PPA1: variants seen among roughly 807,000 people sequenced by gnomAD.
The protein encoded by PPA1 is inorganic pyrophosphatase.
In PPA1, 23 loss-of-function variants were observed where a neutral mutation model predicts 41.8. That is an observed-to-expected ratio of 0.55 (90% CI 0.40 to 0.78). The LOEUF (loss-of-function observed/expected upper bound fraction) is 0.78, where lower values mean the gene tolerates loss of function less well. Ranked by LOEUF, PPA1 falls within the 30% of genes least tolerant of loss-of-function variation. The pLI is 0.00. For missense variants in PPA1, 320 were observed against 361.6 expected (o/e 0.89, Z 0.93); for synonymous variants, 101 against 116.8 (o/e 0.86, Z 0.87).
chr10:70,229,862 G>A (rs1387927401), intron 2 of PPA1, among the ~76,000 whole-genome samples: 1 of 150,272 alleles, frequency 6.7e-6, no homozygotes, highest in Admixed American at 6.7e-5. Context: ...AATTATATTT[G>A]CTCCTTTAAC....
At chr10:70,222,335 C>CAAAAAAAAAAAA in intron 2 of PPA1, among the ~76,000 whole-genome samples, 1 of 73,166 alleles carries the variant, frequency 1.4e-5, no homozygotes, top group Non-Finnish European at 2.4e-5. Context: ...GACTCCGTCT[C>CAAAAAAAAAAAA]AAAAAAAAAA....
intron 2 of PPA1, among the ~76,000 whole-genome samples, chr10:70,221,076 ATT>A (rs11310336): frequency 0.021 from 860 of 40,012 alleles, 117 homozygotes; most frequent in South Asian, 0.057. Flanking sequence ...ATATATATAT[ATT>A]TTTTTTTTTT....
chr10:70,214,502 T>C lies in PPA1; in HGVS notation c.382A>G (p.Lys128Glu). ...DPIDVCEIGS[K>E]VCARGEIIGV... ...AAAAAAATGTCACATTTCATTACCT[T>C]GCTTCCAATTTCACACACATCAATT... The change falls in exon 5 of 11, where the codon AAG becomes GAG. Residue 128 changes from lysine (K) to glutamate (E), a missense_variant and splice_region_variant. Transcript: ENST00000373232. 1.2e-6 allele frequency: 2 copies of C among 1,611,366 alleles called. No homozygotes were observed. Among genetic ancestry groups the C allele is most frequent in the Non-Finnish European group, 1.7e-6 (2 of 1,178,364 alleles).
chr10:70,221,240 C>T (rs1197980550), intron 2 of PPA1, among the ~76,000 whole-genome samples: 2 of 149,328 alleles, frequency 1.3e-5, no homozygotes, highest in African/African-American at 5.0e-5. Flanking sequence ...TGATAAGCCA[C>T]AAGGGAATAA....
At chr10:70,205,483 A>G (rs993494908) in intron 9 of PPA1, 3 of 152,162 alleles carry the variant, frequency 2.0e-5, no homozygotes, top group African/African-American at 7.2e-5. Context: ...ACAATTTTAT[A>G]TATACACACA....
intron 2 of PPA1, among the ~76,000 whole-genome samples, chr10:70,223,252 T>G (rs1840195631): frequency 6.8e-6 from 1 of 147,736 alleles, no homozygotes; most frequent in Non-Finnish European, 1.5e-5. Context: ...TCTCACTCTG[T>G]CATCCAGACT....
At chr10:70,229,803 T>C (rs77133423) in intron 2 of PPA1, among the ~76,000 whole-genome samples, 3 of 152,202 alleles carry the variant, frequency 2.0e-5, no homozygotes, top group Admixed American at 1.3e-4. Flanking sequence ...CTTTTTTTTT[T>C]CCAAGACAGA....
intron 10 of PPA1, 49 bp downstream of exon 10, chr10:70,204,824 C>A: frequency 2.8e-6 from 4 of 1,411,942 alleles, no homozygotes; most frequent in Non-Finnish European, 3.9e-6. Flanking sequence ...CATAATTTTT[C>A]CATAACTGTG....
At chr10:70,219,669 T>C (rs540782071) in intron 2 of PPA1, among the ~76,000 whole-genome samples, 2 of 152,344 alleles carry the variant, frequency 1.3e-5, no homozygotes, top group East Asian at 3.9e-4. Context: ...TAATCAATGA[T>C]AGTTCTACTG....
At chr10:70,223,642 T>C (rs997656859) in intron 2 of PPA1, among the ~76,000 whole-genome samples, 2 of 152,274 alleles carry the variant, frequency 1.3e-5, no homozygotes, top group Admixed American at 1.3e-4. Flanking sequence ...CAGTGATATT[T>C]AGGATTTTTC....
Position 70,233,406 on chromosome 10 carries a change from A to C in PPA1, c.-79T>G, listed in dbSNP as rs1468981078. The C allele has an allele frequency of 1.2e-5, 18 of 1,494,542 alleles. No homozygotes were observed. The highest frequency in any genetic ancestry group is 2.2e-5 in the Admixed American group (1 of 45,270). 92.6% of individuals were successfully genotyped at this position (1,494,542 alleles called of 1,614,324 possible). On this transcript the variant is annotated 5_prime_UTR_variant, in exon 1 of 11. Transcript: ENST00000373232. ...CGCCGACTGACAAGGAGAGAGCCCC[A>C]CGCCTGCGCACTGCGAGCACTGGAC... is the stretch of plus-strand genomic sequence containing the variant.
intron 4 of PPA1, among the ~76,000 whole-genome samples, chr10:70,215,763 G>A (rs1564582758): frequency 6.6e-6 from 1 of 152,160 alleles, no homozygotes; most frequent in African/African-American, 2.4e-5. Context: ...TTACAGGCAT[G>A]AGCCACCACA....
Position 70,204,869 on chromosome 10 carries a change from T to A in PPA1, c.838+4A>T, listed in dbSNP as rs370903723. On this transcript the variant is annotated splice_donor_region_variant and intron_variant, in intron 10 of 10. Coordinates refer to ENST00000373232, the MANE Select transcript of PPA1 (RefSeq NM_021129.4). ...ATGAAATTTTACTGGAATAGAAATC[T>A]TACCGTCTGTTGGTACTGTGCAGGC... 1.5e-5 allele frequency: 24 copies of A among 1,583,436 alleles called. No individual in the cohort carries two copies. The African/African-American group carries it at 3.1e-4, about 21-fold the overall frequency.
chr10:70,230,491 T>G, intron 1 of PPA1, 92 bp from the exon 2 acceptor site: 1 of 1,265,858 alleles, frequency 7.9e-7, no homozygotes, highest in Non-Finnish European at 1.1e-6. Flanking sequence ...ATAAGGTCCC[T>G]TACTCTGTCA....
chr10:70,216,831 C>T (rs757558157), intron 4 of PPA1, among the ~76,000 whole-genome samples: 2 of 152,172 alleles, frequency 1.3e-5, no homozygotes, highest in East Asian at 1.9e-4. Context: ...CTACTACATA[C>T]TGACATTGTG....
At chr10:70,208,668 TAA>T (rs59579314) in intron 8 of PPA1, among the ~76,000 whole-genome samples, 256 of 152,232 alleles carry the variant, frequency 1.7e-3, no homozygotes, top group African/African-American at 5.4e-3. Context: ...TTTACACATA[TAA>T]CTCTTCTCCA....
chr10:70,223,828 G>A (rs552231808), intron 2 of PPA1, among the ~76,000 whole-genome samples: 3 of 152,226 alleles, frequency 2.0e-5, no homozygotes, highest in African/African-American at 2.4e-5. Flanking sequence ...AATCCCAACT[G>A]GTTTCAGCTT....
At chr10:70,213,209 A>G (rs1840041797) in intron 6 of PPA1, among the ~76,000 whole-genome samples, 1 of 152,186 alleles carries the variant, frequency 6.6e-6, no homozygotes, top group African/African-American at 2.4e-5. Flanking sequence ...ATACCAACTG[A>G]GTGCTGGTAT....
Position 70,230,355 on chromosome 10 carries a change from T to C in PPA1, c.109A>G (p.Ile37Val). The change falls in exon 2 of 11, where the codon ATT becomes GTT. Residue 37 changes from isoleucine to valine, a missense_variant. Coordinates refer to ENST00000373232, the MANE Select transcript of PPA1 (RefSeq NM_021129.4). Reference sequence around the variant, plus strand: ...GGATGCCTTACCTTATCTGCATAAATTGGAATATCATGAAATGGAGATATA... The same window carrying C: ...GGATGCCTTACCTTATCTGCATAAACTGGAATATCATGAAATGGAGATATA... ...QYISPFHDIPIYADKDVFHMV... is the reference protein window; with the variant it reads ...QYISPFHDIPVYADKDVFHMV... The C allele has an allele frequency of 1.2e-6, 2 of 1,613,378 alleles. No homozygotes were observed. The highest frequency in any genetic ancestry group is 1.7e-6 in the Non-Finnish European group (2 of 1,179,612).
Sources: gnomAD v4.1 joint callset for allele counts (sites outside exome capture counted in the v4.1 genomes callset) on GRCh38, gnomAD v4.1.1 for gene constraint, MANE v1.5 for transcripts, NCBI Gene and HGNC (gene_info 2026-07-23, HGNC 2026-07-21) for gene names.